RAB40A: variants seen among roughly 807,000 people sequenced by gnomAD.
RAB40A encodes the protein RAB40A, member RAS oncogene family, also known as ras-related protein Rab-40A.
For synonymous variants in RAB40A, 65 were observed against 99.9 expected (o/e 0.65, Z 2.08); for missense variants, 145 against 230.2 (o/e 0.63, Z 2.40).
intron 2 of RAB40A, among the ~76,000 whole-genome samples, chrX:103,506,419 TA>T (rs979972153): frequency 7.2e-5 from 8 of 111,832 alleles, no homozygotes; most frequent in African/African-American, 1.3e-4. Flanking sequence ...GACATGCTTT[TA>T]AAAAAATATA....
intron 2 of RAB40A, among the ~76,000 whole-genome samples, chrX:103,511,550 A>C (rs1197057574): frequency 4.5e-5 from 5 of 110,419 alleles, no homozygotes; most frequent in African/African-American, 1.7e-4. Context: ...CTTTGCAGGG[A>C]CATGGATGAA....
chrX:103,494,052 C>T, the RAB40A span, among the ~76,000 whole-genome samples: 2 of 112,308 alleles, frequency 1.8e-5, no homozygotes, highest in Non-Finnish European at 3.8e-5. Context: ...TTCCTACCAA[C>T]AGTGTACAAG....
At chrX:103,513,775 TGA>T (rs1223222911) in intron 2 of RAB40A, among the ~76,000 whole-genome samples, 5 of 109,882 alleles carry the variant, frequency 4.6e-5, no homozygotes, top group Non-Finnish European at 9.5e-5. Flanking sequence ...GAGGCTGAAG[TGA>T]GAGAAACACT....
chrX:103,497,051 G>T (rs936031196), downstream of RAB40A, among the ~76,000 whole-genome samples: 1 of 111,568 alleles, frequency 9.0e-6, no homozygotes, highest in Non-Finnish European at 1.9e-5. Context: ...GATGTGAGTT[G>T]AGTATTGAGA....
At chrX:103,504,434 ACAT>A (rs1052861219) in intron 2 of RAB40A, among the ~76,000 whole-genome samples, 2 of 112,106 alleles carry the variant, frequency 1.8e-5, no homozygotes, top group Middle Eastern at 4.2e-3. Flanking sequence ...AAGTTTGGGT[ACAT>A]CATTTTTTAA....
At position 103,499,564 on chromosome X, in the gene RAB40A, C is replaced by T. The variant is rs1002881193; in HGVS notation, c.*359G>A. ...TCTCAAATTTCCTTGAATTTATACT[C>T]ATCATTGCCATATCACCATTCTAAC... On this transcript the variant is annotated 3_prime_UTR_variant, in exon 3 of 3. Coordinates refer to ENST00000304236, the MANE Select transcript of RAB40A (RefSeq NM_080879.3). 2.4e-5 allele frequency: 7 copies of T among 286,438 alleles called. No individual in the cohort carries two copies. Among genetic ancestry groups the T allele is most frequent in the East Asian group, 8.3e-5 (1 of 12,001 alleles). 23.6% of individuals were successfully genotyped at this position (286,438 alleles called of 1,213,427 possible).
At chrX:103,505,484 T>G (rs938090840) in intron 2 of RAB40A, among the ~76,000 whole-genome samples, 4 of 112,281 alleles carry the variant, frequency 3.6e-5, no homozygotes, top group African/African-American at 1.3e-4. Context: ...TGGTTCTATT[T>G]GCCCCTTACT....
chrX:103,512,443 C>A (rs2073295728), intron 2 of RAB40A, among the ~76,000 whole-genome samples: 1 of 111,076 alleles, frequency 9.0e-6, no homozygotes, highest in African/African-American at 3.3e-5. Context: ...AACTTGCTAG[C>A]CCTGCCCTTG....
intron 2 of RAB40A, among the ~76,000 whole-genome samples, chrX:103,513,389 G>T (rs2073301024): frequency 9.0e-6 from 1 of 111,492 alleles, no homozygotes; most frequent in African/African-American, 3.3e-5. Context: ...GCGGGATTCA[G>T]GGTAAAAGTA....
At chrX:103,508,808 G>A (rs572977881) in intron 2 of RAB40A, among the ~76,000 whole-genome samples, 2 of 111,942 alleles carry the variant, frequency 1.8e-5, no homozygotes, top group South Asian at 7.5e-4. Flanking sequence ...ATGCCAGATC[G>A]CATCCGGGAC....
intron 2 of RAB40A, chrX:103,502,564 A>T (rs1173636879): frequency 3.9e-5 from 9 of 233,000 alleles, no homozygotes; most frequent in Non-Finnish European, 5.2e-5. Context: ...GTCTCTTGGC[A>T]TAAAGTGCAG....
chrX:103,507,468 A>C (rs1274496800), intron 2 of RAB40A, among the ~76,000 whole-genome samples: 1 of 108,353 alleles, frequency 9.2e-6, no homozygotes, highest in Non-Finnish European at 1.9e-5. Context: ...AACATTATAC[A>C]GGTCATATTT....
At chrX:103,501,616 T>G (rs747215034) in intron 2 of RAB40A, 10 of 123,678 alleles carry the variant, frequency 8.1e-5, no homozygotes, top group African/African-American at 3.2e-4. Flanking sequence ...GTTTAACACA[T>G]GTACAGCTCC....
At chrX:103,518,335 T>C (rs988098251) in intron 1 of RAB40A, among the ~76,000 whole-genome samples, 1 of 111,192 alleles carries the variant, frequency 9.0e-6, no homozygotes, top group Non-Finnish European at 1.9e-5. Flanking sequence ...CTTAAAAATA[T>C]AATATATATA....
intron 2 of RAB40A, among the ~76,000 whole-genome samples, chrX:103,504,670 C>T (rs759925752): frequency 1.8e-5 from 2 of 111,045 alleles, no homozygotes; most frequent in East Asian, 2.8e-4. Context: ...TATAGGCATG[C>T]GCCACCACAC....
In RAB40A at chrX:103,500,006, T is replaced by C; in HGVS notation, c.751A>G (p.Ser251Gly). 1 of 1,208,844 alleles carries C rather than the reference T, an allele frequency of 8.3e-7. No homozygotes were observed. The highest frequency in any genetic ancestry group is 1.1e-6 in the Non-Finnish European group (1 of 892,645). ...YSLTTSSTHK[S>G]SLCKVEIVCP... Reference sequence around the variant, plus strand: ...ACGATCTCCACTTTGCAGAGGCTGCTCTTGTGAGTGGAGCTGGTGGTGAGG... The same window carrying C: ...ACGATCTCCACTTTGCAGAGGCTGCCCTTGTGAGTGGAGCTGGTGGTGAGG... The change falls in exon 3 of 3, where the codon AGC (serine) becomes GGC (glycine). Residue 251 changes from serine to glycine, a missense_variant. Ser to Gly is a moderately conservative substitution (Grantham distance 56, BLOSUM62 0). Transcript: ENST00000304236.
intron 2 of RAB40A, among the ~76,000 whole-genome samples, chrX:103,511,074 A>G (rs1243229652): frequency 8.9e-6 from 1 of 112,209 alleles, no homozygotes; most frequent in Non-Finnish European, 1.9e-5. Context: ...AGTCTTTGAC[A>G]TGCACACGTA....
intron 2 of RAB40A, chrX:103,501,290 T>C (rs759888865): frequency 2.1e-4 from 26 of 126,186 alleles, no homozygotes; most frequent in Admixed American, 3.6e-4. Context: ...GCCATTAATA[T>C]AGAGATCACA....
chrX:103,501,179 CTTTTGCTTTCAGAACAGTTGTCTT>C (rs1197878540), intron 2 of RAB40A: 235 of 133,043 alleles, frequency 1.8e-3, no homozygotes, highest in African/African-American at 7.2e-3. Context: ...ATATTTTGTT[CTTTTGCTTTCAGAACAGTTGTCTT>C]TGGTAGCTAT....
Sources: gnomAD v4.1 joint callset for allele counts (sites outside exome capture counted in the v4.1 genomes callset) on GRCh38, gnomAD v4.1.1 for gene constraint, MANE v1.5 for transcripts, NCBI Gene and HGNC (gene_info 2026-07-23, HGNC 2026-07-21) for gene names.